CYP4A11: variants seen among roughly 807,000 people sequenced by gnomAD.
The protein encoded by CYP4A11 is cytochrome P450 family 4 subfamily A member 11.
A neutral mutation model predicts 57.7 loss-of-function variants in CYP4A11; 52 were observed. The observed-to-expected ratio is 0.90, with a 90% CI of 0.72 to 1.14. CYP4A11 has a LOEUF of 1.14. Ranked by LOEUF, CYP4A11 falls within the 50% of genes most tolerant of loss-of-function variation. The pLI, the probability that CYP4A11 is intolerant of heterozygous loss-of-function variation, is 0.00. For synonymous variants in CYP4A11, 228 were observed against 247.1 expected, an observed-to-expected ratio of 0.92 and a Z score of 0.72; for missense variants, 641 against 642.1, an observed-to-expected ratio of 1.00 and a Z score of 0.02.
chr1:46,937,909 A>G, intron 2 of CYP4A11, 87 bp downstream of exon 2: 10 of 1,571,632 alleles, frequency 6.4e-6, no homozygotes, highest in Non-Finnish European at 7.8e-6. Flanking sequence ...ATGTTTGAAC[A>G]GCCACTCTCT....
intron 1 of CYP4A11, 107 bp downstream of exon 1, chr1:46,941,132 C>A: frequency 6.7e-7 from 1 of 1,487,690 alleles, no homozygotes; most frequent in African/African-American, 1.4e-5. Flanking sequence ...TCCTTTGAGT[C>A]CTCACATTTG....
chr1:46,940,740 G>A (rs1681699069), intron 1 of CYP4A11: 41 of 985,428 alleles, frequency 4.2e-5, no homozygotes, highest in Non-Finnish European at 4.8e-5. Context: ...CCCCAGCAGA[G>A]TGAGCTCCTT....
chr1:46,932,401 A>G, intron 11 of CYP4A11: 2 of 1,135,584 alleles, frequency 1.8e-6, no homozygotes, highest in Non-Finnish European at 2.2e-6. Flanking sequence ...TATTCCTGAC[A>G]ACTGAGAAAA....
chr1:46,933,253 G>T (rs564497603), intron 9 of CYP4A11, among the ~76,000 whole-genome samples: 1 of 152,298 alleles, frequency 6.6e-6, no homozygotes, highest in Admixed American at 6.5e-5. Context: ...ATTTATGCAG[G>T]AATGAGAAGC....
intron 5 of CYP4A11, among the ~76,000 whole-genome samples, 172 bp downstream of exon 5, chr1:46,935,351 T>C (rs7530935): frequency 0.16 from 23,789 of 152,162 alleles, 1,967 homozygotes; most frequent in South Asian, 0.28. Context: ...TGCTAGGAAT[T>C]AGGCATCTGT....
At chr1:46,937,399 T>C (rs971476150) in intron 2 of CYP4A11, 53 bp from the exon 3 acceptor site, 2 of 1,569,668 alleles carry the variant, frequency 1.3e-6, no homozygotes, top group African/African-American at 2.7e-5. Context: ...AAGAAGGCAG[T>C]CTTAGAGGCT....
At chr1:46,932,551 A>T in intron 11 of CYP4A11, 1 of 1,433,530 alleles carries the variant, frequency 7.0e-7, no homozygotes, top group Non-Finnish European at 9.1e-7. Context: ...GAAGAAGCAG[A>T]GGGAGCAAAG....
rs1681212712 is a variant in CYP4A11 at position 46,934,075 on chromosome 1, G to T, written c.1093C>A (p.His365Asn). The change falls in exon 9 of 12, where the codon CAC becomes AAC. Residue 365 changes from histidine to asparagine, a missense_variant. His to Asn is a moderately conservative substitution (Grantham distance 68). Transcript: ENST00000310638. ...GTGGTGTAGGGCATCTGGTCCAGGT[G>T]GTTCCTGAAACAATTCCATCCTGAA... ...LGDGASITWN[H>N]LDQMPYTTMC... 6 of 1,612,700 alleles carry T rather than the reference G, an allele frequency of 3.7e-6. No homozygotes were observed. Among genetic ancestry groups the T allele is most frequent in the Non-Finnish European group, 5.1e-6 (6 of 1,179,496 alleles).
chr1:46,934,086 C>G lies in CYP4A11; in HGVS notation c.1089-7G>C. On this transcript the variant is annotated splice_polypyrimidine_tract_variant and splice_region_variant and intron_variant, in intron 8 of 11. Coordinates refer to ENST00000310638, the MANE Select transcript of CYP4A11 (RefSeq NM_000778.4). ...CATCTGGTCCAGGTGGTTCCTGAAA[C>G]AATTCCATCCTGAACACCAGCAAGG... 1.4e-5 allele frequency: 23 copies of G among 1,612,424 alleles called. No individual in the cohort carries two copies. Among genetic ancestry groups the G allele is most frequent in the Non-Finnish European group, 2.0e-5 (23 of 1,179,370 alleles).
intron 1 of CYP4A11, among the ~76,000 whole-genome samples, chr1:46,940,468 G>A (rs1038982221): frequency 6.6e-6 from 1 of 152,150 alleles, no homozygotes; most frequent in Non-Finnish European, 1.5e-5. Context: ...ACAGGAAGGG[G>A]ATGACATGCT....
chr1:46,933,058 G>T lies in CYP4A11; in HGVS notation c.1223-11C>A. Reference sequence around the variant, plus strand: ...GGAGGACCATGATACCTGTGGTGCAGGTTGGAAACAGAGAGAAGACCAATC... The same window carrying T: ...GGAGGACCATGATACCTGTGGTGCATGTTGGAAACAGAGAGAAGACCAATC... On this transcript the variant is annotated splice_polypyrimidine_tract_variant and intron_variant, in intron 9 of 11. Transcript: ENST00000310638. 1 of 1,614,130 alleles carries T rather than the reference G, an allele frequency of 6.2e-7. No homozygotes were observed. Among genetic ancestry groups the T allele is most frequent in the Non-Finnish European group, 8.5e-7 (1 of 1,180,004 alleles).
rs1553144054 is a variant in CYP4A11, at chr1:46,936,839, G to GTT, written c.383-49_383-48insAA. ...TTTGTGTGTGTGTGTGTGTGTGTGT[G>GTT]TGTGTCAGGGGCTGCAAGGAGCTAG... On this transcript the variant is annotated intron_variant, in intron 3 of 11. Transcript: ENST00000310638. 9 of 1,522,748 alleles carry GTT rather than the reference G, an allele frequency of 5.9e-6. No homozygotes were observed. In the African/African-American group the frequency reaches 8.3e-5, roughly 14 times the overall value. The allele number at this position is 1,522,748 out of a possible 1,614,324, so 94.3% of individuals were successfully genotyped here. A position where few individuals can be genotyped will look rare whatever the true frequency, so the allele number is the denominator to read the frequency against.
At chr1:46,933,145 C>T in intron 9 of CYP4A11, 98 bp from the exon 10 acceptor site, 1 of 1,544,996 alleles carries the variant, frequency 6.5e-7, no homozygotes, top group South Asian at 1.2e-5. Flanking sequence ...AAAAAGCCTA[C>T]TTTCCACAAA....
At chr1:46,931,572 T>C (rs1681030610) in intron 11 of CYP4A11, 2 of 708,732 alleles carry the variant, frequency 2.8e-6, no homozygotes, top group South Asian at 1.3e-4. Context: ...TGAAATACAC[T>C]GAGAGTAAAT....
chr1:46,937,875 G>T lies in CYP4A11; in HGVS notation c.337+121C>A, dbSNP rs1178862756. On this transcript the variant is annotated intron_variant, in intron 2 of 11. Transcript: ENST00000310638. ...CCTGGGCATGGTGGGCTTGGTGGAT[G>T]CGTGGGAGAGGTTTCAGATATTGAT... is the stretch of plus-strand genomic sequence containing the variant. The T allele has an allele frequency of 4.9e-6, 7 of 1,442,758 alleles. No individual in the cohort carries two copies. In the East Asian group the frequency reaches 1.2e-4, roughly 24 times the overall value. The allele number at this position is 1,442,758 out of a possible 1,614,324, so 89.4% of individuals were successfully genotyped here.
chr1:46,940,027 C>A (rs1395945751), intron 1 of CYP4A11, among the ~76,000 whole-genome samples: 7 of 152,038 alleles, frequency 4.6e-5, no homozygotes, highest in Non-Finnish European at 8.8e-5. Context: ...ATTCATAGCA[C>A]CTTGGTGAGT....
At chr1:46,936,886 G>A in intron 3 of CYP4A11, 95 bp from the exon 4 acceptor site, 1 of 1,487,882 alleles carries the variant, frequency 6.7e-7, no homozygotes, top group Admixed American at 2.3e-5. Context: ...GACAATTTGG[G>A]AGGGAGAAAG....
In CYP4A11 at chr1:46,935,031, G is replaced by C; in HGVS notation, c.759C>G (p.His253Gln). The C allele has an allele frequency of 2.5e-6, 4 of 1,614,132 alleles. No individual in the cohort carries two copies. Among genetic ancestry groups the C allele is most frequent in the Non-Finnish European group, 3.4e-6 (4 of 1,179,986 alleles). ...YSLTSAGRWT[H>Q]RACQLAHQHT... ...GCTGATGGGCCAGCTGGCAGGCGCG[G>C]TGTGTCCAGCGGCCAGCAGAGGTCA... The change falls in exon 6 of 12, where the codon CAC (histidine) becomes CAG (glutamine). Residue 253 changes from histidine to glutamine, a missense_variant. By Grantham distance (24) the His-to-Gln change is conservative. Transcript: ENST00000310638.
rs1681751231 is a variant in CYP4A11 at position 46,941,450 on chromosome 1, G to A, written c.-17C>T. ...GACACTCATGGTGCAGCACCTGCTG[G>A]ATCTCTGAGTGCCCCTACCTCTCTC... is the stretch of plus-strand genomic sequence containing the variant. On this transcript the variant is annotated 5_prime_UTR_variant, in exon 1 of 12. Coordinates refer to ENST00000310638, the MANE Select transcript of CYP4A11 (RefSeq NM_000778.4). The A allele has an allele frequency of 6.2e-7, 1 of 1,610,508 alleles. No homozygotes were observed. The highest frequency in any genetic ancestry group is 1.1e-5 in the South Asian group (1 of 90,638).
Sources: gnomAD v4.1 joint callset for allele counts (sites outside exome capture counted in the v4.1 genomes callset) on GRCh38, gnomAD v4.1.1 for gene constraint, MANE v1.5 for transcripts, NCBI Gene and HGNC (gene_info 2026-07-23, HGNC 2026-07-21) for gene names.